The following LRRC4C variants were observed in gnomAD, a reference collection of about 807,000 sequenced individuals.
LRRC4C encodes leucine-rich repeat-containing protein 4C.
LRRC4C carries 5 observed loss-of-function variants against 33.6 expected under a neutral mutation model. The ratio of observed to expected loss-of-function variants is 0.15; its 90% CI spans 0.08 to 0.31. LRRC4C has a LOEUF of 0.31. Ranked by LOEUF, LRRC4C falls within the 10% of genes least tolerant of loss-of-function variation. The probability of loss-of-function intolerance (pLI) is 1.00; values close to 1 mark genes in which losing one functional copy is unlikely to be tolerated. For synonymous variants in LRRC4C, 329 were observed against 302.0 expected (o/e 1.09, Z -0.93); for missense variants, 560 against 796.7 (o/e 0.70, Z 3.58).
chr11:40,794,462 A>G (rs1950747997), intron 2 of LRRC4C, among the ~76,000 whole-genome samples: 1 of 151,214 alleles, frequency 6.6e-6, no homozygotes, highest in South Asian at 2.1e-4. Context: ...GTTCAAGGAG[A>G]TATACTAGCC....
At chr11:41,234,361 T>A (rs185220992) in intron 1 of LRRC4C, among the ~76,000 whole-genome samples, 1 of 152,022 alleles carries the variant, frequency 6.6e-6, no homozygotes, top group Admixed American at 6.6e-5. Flanking sequence ...TATCATTTCT[T>A]TTTTGGTGAG....
chr11:41,391,259 C>T (rs1367023837), intron 1 of LRRC4C, among the ~76,000 whole-genome samples: 1 of 151,628 alleles, frequency 6.6e-6, no homozygotes, highest in Non-Finnish European at 1.5e-5. Context: ...ACTAAATACA[C>T]AACTCAAGAA....
At chr11:40,595,758 A>T (rs1463474409) in intron 3 of LRRC4C, among the ~76,000 whole-genome samples, 2 of 152,136 alleles carry the variant, frequency 1.3e-5, no homozygotes, top group Non-Finnish European at 2.9e-5. Context: ...AGGCAGAAAT[A>T]GCCTGTGTAT....
intron 3 of LRRC4C, among the ~76,000 whole-genome samples, chr11:40,593,688 T>G (rs999532318): frequency 1.3e-5 from 2 of 152,220 alleles, no homozygotes; most frequent in Non-Finnish European, 2.9e-5. Flanking sequence ...GGGGGTTGGA[T>G]ATAATATTTA....
intron 2 of LRRC4C, among the ~76,000 whole-genome samples, chr11:40,770,498 C>A (rs1299357674): frequency 6.6e-6 from 1 of 152,114 alleles, no homozygotes; most frequent in African/African-American, 2.4e-5. Flanking sequence ...TGGTCCCTCC[C>A]AAACCTCATG....
intron 1 of LRRC4C, among the ~76,000 whole-genome samples, chr11:41,377,425 C>T (rs374393409): frequency 6.6e-6 from 1 of 152,124 alleles, no homozygotes; most frequent in Non-Finnish European, 1.5e-5. Context: ...AGACACAATA[C>T]TTCTTTGCTT....
At chr11:41,155,897 A>G (rs972038099) in intron 1 of LRRC4C, among the ~76,000 whole-genome samples, 1 of 152,082 alleles carries the variant, frequency 6.6e-6, no homozygotes, top group Non-Finnish European at 1.5e-5. Flanking sequence ...CTCTTTGTAC[A>G]TATCCATTTC....
rs573753473 is a variant in LRRC4C, at chr11:40,868,530, A to G, written c.-407+65105T>C. 6.6e-5 allele frequency among the ~76,000 whole-genome samples: 10 copies of G among 152,234 alleles called. No homozygotes were observed. In the South Asian group the frequency reaches 2.1e-3, roughly 32 times the overall value. ...TCTAAACTTTGGAAGATTTATCTCT[A>G]AAGCCCTGAACCCAAAACAGTACTC... On this transcript the variant is annotated intron_variant, in intron 2 of 6. Coordinates refer to ENST00000528697, the MANE Select transcript of LRRC4C (RefSeq NM_001258419.2).
At chr11:40,357,393 C>T (rs1761104636) in intron 3 of LRRC4C, among the ~76,000 whole-genome samples, 2 of 152,122 alleles carry the variant, frequency 1.3e-5, no homozygotes, top group Admixed American at 6.5e-5. Flanking sequence ...GCTTTACATT[C>T]TGTTTGGCAC....
intron 2 of LRRC4C, among the ~76,000 whole-genome samples, chr11:40,872,006 A>G (rs991186074): frequency 3.3e-5 from 5 of 152,168 alleles, no homozygotes; most frequent in South Asian, 2.1e-4. Context: ...ACTGGTTTCT[A>G]GTGCCAGAGC....
intron 2 of LRRC4C, among the ~76,000 whole-genome samples, chr11:40,758,254 A>C (rs1304815658): frequency 1.3e-5 from 2 of 151,962 alleles, no homozygotes; most frequent in African/African-American, 4.8e-5. Context: ...TGGCTTTAAA[A>C]AATTATGCCT....
intron 1 of LRRC4C, among the ~76,000 whole-genome samples, chr11:41,041,857 G>C (rs1746305454): frequency 6.6e-6 from 1 of 152,096 alleles, no homozygotes; most frequent in Non-Finnish European, 1.5e-5. Context: ...CACAATTATG[G>C]ATTCACAAAC....
At chr11:40,478,803 A>G (rs1328871750) in intron 3 of LRRC4C, among the ~76,000 whole-genome samples, 1 of 152,124 alleles carries the variant, frequency 6.6e-6, no homozygotes, top group East Asian at 1.9e-4. Flanking sequence ...CTTCCTCCTC[A>G]CTGTAATAAA....
chr11:40,183,329 A>G lies in LRRC4C; in HGVS notation c.-95-42476T>C, dbSNP rs895579249. Reference sequence around the variant, plus strand: ...AGTGCTTTTTCCTTTGCAACTACCAATAATGAAATTACCACAGAGTCCCTG... The same window carrying G: ...AGTGCTTTTTCCTTTGCAACTACCAGTAATGAAATTACCACAGAGTCCCTG... On this transcript the variant is annotated intron_variant, in intron 5 of 6. Coordinates refer to ENST00000528697, the MANE Select transcript of LRRC4C (RefSeq NM_001258419.2). Among the ~76,000 whole-genome samples, 5 of 152,202 alleles carry G rather than the reference A, an allele frequency of 3.3e-5. No individual in the cohort carries two copies. In the South Asian group the frequency reaches 6.2e-4, roughly 19 times the overall value.
At chr11:41,349,660 C>A (rs1252867033) in intron 1 of LRRC4C, among the ~76,000 whole-genome samples, 3 of 151,972 alleles carry the variant, frequency 2.0e-5, no homozygotes, top group Non-Finnish European at 4.4e-5. Flanking sequence ...AAGCAAAAAG[C>A]CCCAACTAAA....
At chr11:40,511,246 A>T (rs1299244036) in intron 3 of LRRC4C, among the ~76,000 whole-genome samples, 1 of 152,192 alleles carries the variant, frequency 6.6e-6, no homozygotes, top group Non-Finnish European at 1.5e-5. Context: ...AAAGTGACAG[A>T]AACAGTACAA....
chr11:40,423,580 G>C (rs554321977), intron 3 of LRRC4C, among the ~76,000 whole-genome samples: 1 of 151,886 alleles, frequency 6.6e-6, no homozygotes, highest in East Asian at 1.9e-4. Flanking sequence ...TCCTGACCTC[G>C]TGATCCGCCC....
chr11:40,956,138 G>T (rs1310366901), intron 1 of LRRC4C, among the ~76,000 whole-genome samples: 1 of 151,690 alleles, frequency 6.6e-6, no homozygotes, highest in East Asian at 1.9e-4. Flanking sequence ...TATATCTGAG[G>T]GTAGCACAAG....
intron 1 of LRRC4C, among the ~76,000 whole-genome samples, chr11:41,279,301 G>C (rs1175496847): frequency 6.6e-6 from 1 of 151,348 alleles, no homozygotes; most frequent in African/African-American, 2.4e-5. Context: ...AGGCTTCCAT[G>C]ACCGAAGGAA....
Sources: allele counts gnomAD v4.1 joint callset (sites outside exome capture counted in the v4.1 genomes callset), GRCh38; gene constraint gnomAD v4.1.1; transcripts MANE v1.5; gene names NCBI Gene and HGNC (gene_info 2026-07-23, HGNC 2026-07-21).